Variants in C1QTNF3 observed in about 807,000 individuals in gnomAD.
C1QTNF3 encodes the protein C1q and TNF related 3.
A neutral mutation model predicts 32.6 loss-of-function variants in C1QTNF3; 26 were observed. The ratio of observed to expected loss-of-function variants is 0.80; its 90% CI spans 0.58 to 1.11. The LOEUF (loss-of-function observed/expected upper bound fraction) is 1.11. Among genes scored for constraint, C1QTNF3 ranks in the 50% least tolerant of loss-of-function variants. The probability of loss-of-function intolerance (pLI) is 0.00; values close to 1 mark genes in which losing one functional copy is unlikely to be tolerated. For synonymous variants in C1QTNF3, 155 were observed against 146.0 expected (o/e 1.06, Z -0.44); for missense variants, 362 against 398.2 (o/e 0.91, Z 0.77).
At chr5:34,147,693 T>C in the C1QTNF3 span, among the ~76,000 whole-genome samples, 4 of 151,780 alleles carry the variant, frequency 2.6e-5, no homozygotes, top group Admixed American at 6.6e-5. Context: ...GTGGTGTGAA[T>C]TGAAAAACTA....
chr5:34,115,515 G>A, the C1QTNF3 span, among the ~76,000 whole-genome samples: 1 of 152,032 alleles, frequency 6.6e-6, no homozygotes, highest in Non-Finnish European at 1.5e-5. Flanking sequence ...AGGATCACAA[G>A]GTCAGGAGAT....
At chr5:34,079,631 G>C in the C1QTNF3 span, among the ~76,000 whole-genome samples, 1 of 151,650 alleles carries the variant, frequency 6.6e-6, no homozygotes, top group Non-Finnish European at 1.5e-5. Flanking sequence ...TGCCATTTGA[G>C]ATAACACGGA....
the C1QTNF3 span, among the ~76,000 whole-genome samples, chr5:34,194,878 AT>A: frequency 6.7e-6 from 1 of 149,274 alleles, no homozygotes; most frequent in Non-Finnish European, 1.5e-5. Flanking sequence ...ATAATATCCG[AT>A]GTAAATGTCA....
At chr5:34,048,598 G>C in the C1QTNF3 span, among the ~76,000 whole-genome samples, 1 of 150,792 alleles carries the variant, frequency 6.6e-6, no homozygotes, top group Non-Finnish European at 1.5e-5. Flanking sequence ...ACAATGAGAA[G>C]AATTCTGGGA....
chr5:34,197,417 T>G, the C1QTNF3 span, among the ~76,000 whole-genome samples: 3 of 152,194 alleles, frequency 2.0e-5, no homozygotes, highest in South Asian at 4.1e-4. Flanking sequence ...AATCCCAAAA[T>G]AAATATAAAT....
intron 3 of C1QTNF3, 62 bp from the exon 4 acceptor site, chr5:34,028,945 G>T: frequency 6.8e-7 from 1 of 1,480,390 alleles, no homozygotes; most frequent in Non-Finnish European, 9.3e-7. Flanking sequence ...AAGTTTTTAT[G>T]CAGATTAGTT....
chr5:34,138,517 AT>A, the C1QTNF3 span, among the ~76,000 whole-genome samples: 1 of 152,090 alleles, frequency 6.6e-6, no homozygotes, highest in Non-Finnish European at 1.5e-5. Flanking sequence ...ATAAATTTAA[AT>A]TTAATTGACT....
chr5:34,057,107 G>A, the C1QTNF3 span, among the ~76,000 whole-genome samples: 3 of 152,034 alleles, frequency 2.0e-5, no homozygotes, highest in African/African-American at 7.3e-5. Context: ...ATCCATCAAC[G>A]TATTTTCCTC....
At chr5:34,177,037 C>A in the C1QTNF3 span, among the ~76,000 whole-genome samples, 1 of 151,864 alleles carries the variant, frequency 6.6e-6, no homozygotes, top group Non-Finnish European at 1.5e-5. Flanking sequence ...TATAAAAAGG[C>A]TAAATATTCG....
the C1QTNF3 span, among the ~76,000 whole-genome samples, chr5:34,216,160 G>T: frequency 6.6e-5 from 10 of 152,326 alleles, no homozygotes; most frequent in African/African-American, 2.4e-4. Flanking sequence ...TTTGGGGATG[G>T]TAATAATCTT....
chr5:34,143,364 C>T, the C1QTNF3 span, among the ~76,000 whole-genome samples: 2 of 152,186 alleles, frequency 1.3e-5, no homozygotes, highest in Non-Finnish European at 2.9e-5. Context: ...CACTTGAGGA[C>T]ATAGGCCATG....
chr5:34,035,681 G>T lies in C1QTNF3; in HGVS notation c.381C>A (p.Gly127=). 6 of 1,611,538 alleles carry T rather than the reference G, an allele frequency of 3.7e-6. No homozygotes were observed. Among genetic ancestry groups the T allele is most frequent in the Non-Finnish European group, 4.2e-6 (5 of 1,179,274 alleles). The part of the protein sequence containing the change: ...HGDYSFRGYQ[G]PPGPPGPPGI... ...CAGGAGGGCCCGGTGGCCCAGGGGG[G>T]CCTTGGTAGCCTCGAAAGCTGTAGT... is the stretch of plus-strand genomic sequence containing the variant. The change falls in exon 2 of 6, where the codon GGC becomes GGA. Residue 127 remains glycine, a synonymous_variant. Transcript: ENST00000382065.
the C1QTNF3 span, among the ~76,000 whole-genome samples, chr5:34,063,186 ACT>A: frequency 6.6e-6 from 1 of 152,002 alleles, no homozygotes; most frequent in Non-Finnish European, 1.5e-5. Context: ...AATGGGGTAC[ACT>A]GTTTTTTTCT....
At chr5:34,220,619 G>T in the C1QTNF3 span, among the ~76,000 whole-genome samples, 54 of 152,056 alleles carry the variant, frequency 3.6e-4, no homozygotes, top group African/African-American at 1.1e-3. Context: ...TCTAAGTATG[G>T]AAAGACTAAT....
chr5:34,223,343 A>T, the C1QTNF3 span, among the ~76,000 whole-genome samples: 2 of 151,058 alleles, frequency 1.3e-5, no homozygotes, highest in Admixed American at 1.3e-4. Flanking sequence ...TACAAAGGAC[A>T]TGAACTCATC....
the C1QTNF3 span, among the ~76,000 whole-genome samples, chr5:34,067,334 C>A: frequency 2.0e-5 from 3 of 152,234 alleles, no homozygotes; most frequent in Non-Finnish European, 4.4e-5. Flanking sequence ...CCCCACTCTA[C>A]TAGTACCAAT....
chr5:34,223,919 A>T, the C1QTNF3 span, among the ~76,000 whole-genome samples: 1 of 152,050 alleles, frequency 6.6e-6, no homozygotes, highest in Admixed American at 6.6e-5. Flanking sequence ...CTCAGCCCAA[A>T]ATCTCCTTAA....
chr5:34,155,702 G>T, the C1QTNF3 span, among the ~76,000 whole-genome samples: 1 of 152,212 alleles, frequency 6.6e-6, no homozygotes, highest in East Asian at 1.9e-4. Context: ...AAAAATATTT[G>T]CTAAATATAT....
At chr5:34,239,869 T>C in the C1QTNF3 span, among the ~76,000 whole-genome samples, 3 of 151,216 alleles carry the variant, frequency 2.0e-5, no homozygotes, top group African/African-American at 4.8e-5. Flanking sequence ...TATTCTAACA[T>C]TGACCACATG....
Sources: allele counts gnomAD v4.1 joint callset (sites outside exome capture counted in the v4.1 genomes callset), GRCh38; gene constraint gnomAD v4.1.1; transcripts MANE v1.5; gene names NCBI Gene and HGNC (gene_info 2026-07-23, HGNC 2026-07-21).